SPAG16: variants seen among roughly 807,000 people sequenced by gnomAD.
SPAG16 encodes sperm associated antigen 16.
In SPAG16, 86 loss-of-function variants were observed where a neutral mutation model predicts 80.4. The observed-to-expected ratio is 1.07, with a 90% CI of 0.90 to 1.28. The LOEUF (loss-of-function observed/expected upper bound fraction) is 1.28. Among genes scored for constraint, SPAG16 ranks in the 50% most tolerant of loss-of-function variants. The probability of loss-of-function intolerance (pLI) is 0.00; values close to 1 mark genes in which losing one functional copy is unlikely to be tolerated. For synonymous variants in SPAG16, 294 were observed against 265.9 expected (o/e 1.11, Z -1.03); for missense variants, 870 against 765.3 (o/e 1.14, Z -1.61).
intron 10 of SPAG16, among the ~76,000 whole-genome samples, chr2:213,502,571 G>T (rs899472032): frequency 3.3e-5 from 5 of 152,202 alleles, no homozygotes; most frequent in African/African-American, 7.2e-5. Context: ...ATTAGTTTAT[G>T]AATTTCTATT....
chr2:213,681,364 C>T (rs1332996171), intron 10 of SPAG16, among the ~76,000 whole-genome samples: 1 of 152,082 alleles, frequency 6.6e-6, no homozygotes, highest in East Asian at 1.9e-4. Flanking sequence ...CTCCCTAGAC[C>T]ACTTAGGTAG....
At chr2:213,362,787 C>T (rs1373251214) in intron 7 of SPAG16, among the ~76,000 whole-genome samples, 1 of 152,156 alleles carries the variant, frequency 6.6e-6, no homozygotes, top group Non-Finnish European at 1.5e-5. Flanking sequence ...ATACCCGAGA[C>T]TGGGTAATTT....
intron 13 of SPAG16, among the ~76,000 whole-genome samples, chr2:214,026,485 T>G (rs2048138908): frequency 6.6e-6 from 1 of 151,542 alleles, no homozygotes; most frequent in African/African-American, 2.4e-5. Flanking sequence ...CAGTGAAGTG[T>G]GTAAATAAGT....
intron 15 of SPAG16, among the ~76,000 whole-genome samples, chr2:214,371,800 C>T (rs1323640005): frequency 6.6e-6 from 1 of 151,006 alleles, no homozygotes; most frequent in Admixed American, 6.6e-5. Flanking sequence ...CCTGCCTCAG[C>T]CTCCCAAGTA....
At chr2:214,335,752 ATTCTTT>A (rs1559222419) in intron 15 of SPAG16, among the ~76,000 whole-genome samples, 1 of 107,316 alleles carries the variant, frequency 9.3e-6, no homozygotes, top group Non-Finnish European at 1.8e-5. Context: ...TATTATTAGG[ATTCTTT>A]TTTTTTTTTT....
intron 10 of SPAG16, among the ~76,000 whole-genome samples, chr2:213,663,743 A>G (rs1306658847): frequency 6.6e-6 from 1 of 152,138 alleles, no homozygotes; most frequent in African/African-American, 2.4e-5. Flanking sequence ...TAAAAATACA[A>G]AGTTGGTTAA....
chr2:214,379,506 C>G (rs879592575), intron 15 of SPAG16, among the ~76,000 whole-genome samples: 1 of 152,192 alleles, frequency 6.6e-6, no homozygotes, highest in Admixed American at 6.5e-5. Context: ...CAAGAAATGT[C>G]TCCTTCTAAT....
intron 15 of SPAG16, among the ~76,000 whole-genome samples, chr2:214,233,157 G>T (rs772644911): frequency 2.0e-5 from 3 of 151,928 alleles, no homozygotes; most frequent in Middle Eastern, 3.2e-3. Flanking sequence ...TAGCATAGAG[G>T]TTTGCCTCCA....
At chr2:214,039,583 T>C (rs2048896859) in intron 13 of SPAG16, among the ~76,000 whole-genome samples, 1 of 152,200 alleles carries the variant, frequency 6.6e-6, no homozygotes, top group Admixed American at 6.5e-5. Context: ...GAATCTGCAA[T>C]GAACTCCAAC....
At chr2:213,593,071 AT>A (rs1326945316) in intron 10 of SPAG16, among the ~76,000 whole-genome samples, 2 of 151,642 alleles carry the variant, frequency 1.3e-5, no homozygotes. Flanking sequence ...ATCCGTATGT[AT>A]ATATATATTT....
intron 15 of SPAG16, among the ~76,000 whole-genome samples, chr2:214,373,827 T>C (rs912972636): frequency 1.7e-4 from 26 of 152,186 alleles, no homozygotes; most frequent in African/African-American, 6.3e-4. Flanking sequence ...ATAGCAACAG[T>C]ATCATAAATC....
intron 9 of SPAG16, among the ~76,000 whole-genome samples, chr2:213,427,217 A>G (rs1159086231): frequency 6.6e-6 from 1 of 152,176 alleles, no homozygotes; most frequent in Admixed American, 6.5e-5. Flanking sequence ...CTTTTAAATT[A>G]TATCACACTC....
intron 9 of SPAG16, among the ~76,000 whole-genome samples, chr2:213,432,349 T>A (rs1461179955): frequency 6.6e-6 from 1 of 151,960 alleles, no homozygotes; most frequent in Non-Finnish European, 1.5e-5. Flanking sequence ...CTAGCTAGAT[T>A]AACCAAGAAA....
chr2:214,212,742 A>G (rs1409477120), intron 15 of SPAG16, among the ~76,000 whole-genome samples: 1 of 152,244 alleles, frequency 6.6e-6, no homozygotes, highest in Admixed American at 6.5e-5. Flanking sequence ...ATGAACCAAA[A>G]AAGTCTTTCT....
At chr2:214,273,013 GGT>G (rs1233281859) in intron 15 of SPAG16, among the ~76,000 whole-genome samples, 5 of 152,078 alleles carry the variant, frequency 3.3e-5, no homozygotes, top group Non-Finnish European at 7.4e-5. Flanking sequence ...ATCTCACTGT[GGT>G]TTTGATTTGC....
chr2:213,641,597 C>T (rs909395320), intron 10 of SPAG16, among the ~76,000 whole-genome samples: 36 of 152,296 alleles, frequency 2.4e-4, no homozygotes, highest in African/African-American at 8.7e-4. Flanking sequence ...CTTGGGGTTC[C>T]CTGAAGATTG....
rs1287528313 is a variant in SPAG16, at chr2:213,284,616, G to A, written c.133G>A (p.Glu45Lys). ...AVAAEGAYYLEQVTITEASED... is the reference protein window; with the variant it reads ...AVAAEGAYYLKQVTITEASED... ...GGCGGCTGAGGGCGCCTACTACCTGGAACGTATCCTTCCCGTGGAGGCGCG... is the reference window on the plus strand; with the variant it reads ...GGCGGCTGAGGGCGCCTACTACCTGAAACGTATCCTTCCCGTGGAGGCGCG... The change falls in exon 1 of 16, where the codon GAA becomes AAA. Residue 45 changes from glutamate (E) to lysine (K), a missense_variant. Transcript: ENST00000331683. 2 of 1,608,280 alleles carry A rather than the reference G, an allele frequency of 1.2e-6. No individual in the cohort carries two copies. The highest frequency in any genetic ancestry group is 1.3e-5 in the African/African-American group (1 of 74,970).
At chr2:213,537,084 T>C (rs1213132922) in intron 10 of SPAG16, among the ~76,000 whole-genome samples, 1 of 147,598 alleles carries the variant, frequency 6.8e-6, no homozygotes, top group African/African-American at 2.5e-5. Flanking sequence ...ACACCACATA[T>C]TCTCACTCAT....
At chr2:213,347,060 A>G (rs577750116) in intron 6 of SPAG16, among the ~76,000 whole-genome samples, 12 of 152,294 alleles carry the variant, frequency 7.9e-5, no homozygotes, top group African/African-American at 2.9e-4. Context: ...CCTCAATTTC[A>G]GAGCCTGCAA....
Sources: allele counts gnomAD v4.1 joint callset (sites outside exome capture counted in the v4.1 genomes callset), GRCh38; gene constraint gnomAD v4.1.1; transcripts MANE v1.5; gene names NCBI Gene and HGNC (gene_info 2026-07-23, HGNC 2026-07-21).